The following NFATC2 variants were observed in gnomAD, a reference collection of about 807,000 sequenced individuals.
NFATC2 encodes nuclear factor of activated T-cells, cytoplasmic 2.
NFATC2 carries 22 observed loss-of-function variants against 87.3 expected under a neutral mutation model. That is an observed-to-expected ratio of 0.25 (90% CI 0.18 to 0.36). The LOEUF (loss-of-function observed/expected upper bound fraction) is 0.36. Among genes scored for constraint, NFATC2 ranks in the 10% least tolerant of loss-of-function variants. NFATC2 has a pLI of 1.00. For missense variants in NFATC2, 1,149 were observed against 1,259.1 expected, an observed-to-expected ratio of 0.91 and a Z score of 1.32; for synonymous variants, 565 against 542.2, an observed-to-expected ratio of 1.04 and a Z score of -0.58.
intron 5 of NFATC2, among the ~76,000 whole-genome samples, chr20:51,462,648 T>C (rs567279248): frequency 6.6e-6 from 1 of 152,142 alleles, no homozygotes; most frequent in Non-Finnish European, 1.5e-5. Flanking sequence ...ATCTATAAAA[T>C]GGGAATATCA....
rs911025877 is a variant in NFATC2, at chr20:51,480,024, G to A, written c.1333-4364C>T. On this transcript the variant is annotated intron_variant, in intron 3 of 10. Transcript: ENST00000371564. This position sits in a 1 kb window ranked among gnomAD's most constrained non-coding sequence, Gnocchi z 4.2. ...TTCCTGGGGCCAGGCGCGGTGGCTC[G>A]TGCCTGTAATCCCAGCACTTTGGGA... Among the ~76,000 whole-genome samples the A allele has an allele frequency of 6.6e-6, 1 of 151,958 alleles. No homozygotes were observed. The highest frequency in any genetic ancestry group is 1.5e-5 in the Non-Finnish European group (1 of 67,990).
At chr20:51,456,637 C>G (rs1238403537) in intron 5 of NFATC2, among the ~76,000 whole-genome samples, 1 of 152,204 alleles carries the variant, frequency 6.6e-6, no homozygotes, top group East Asian at 1.9e-4. Context: ...AGGCCCGCCC[C>G]CTGGGGTGAG....
At chr20:51,559,055 G>A (rs1019722143) in intron 1 of NFATC2, among the ~76,000 whole-genome samples, 1 of 152,232 alleles carries the variant, frequency 6.6e-6, no homozygotes, top group Non-Finnish European at 1.5e-5. Context: ...AGTCTGAGAA[G>A]AGAGGCTTGC....
Position 51,500,795 on chromosome 20 carries a change from C to T in NFATC2, c.1332+15989G>A, listed in dbSNP as rs187861620. 4.9e-3 allele frequency among the ~76,000 whole-genome samples: 24 copies of T among 4,880 alleles called. 1 individual carries two copies. The highest frequency in any genetic ancestry group is 6.7e-3 in the Admixed American group (3 of 446). The allele number at this position is 4,880 out of a possible 152,430, so 3.2% of individuals were successfully genotyped here. A position where few individuals can be genotyped will look rare whatever the true frequency, so the allele number is the denominator to read the frequency against. Reference sequence around the variant, plus strand: ...CCACCTCCACCTTCACACTCACCACCCCGCACCTCTACCCCCACACTCACC... The same window carrying T: ...CCACCTCCACCTTCACACTCACCACTCCGCACCTCTACCCCCACACTCACC... On this transcript the variant is annotated intron_variant, in intron 3 of 10. Transcript: ENST00000371564.
At chr20:51,499,381 A>AAGGCCAAC in intron 3 of NFATC2, among the ~76,000 whole-genome samples, 1 of 152,226 alleles carries the variant, frequency 6.6e-6, no homozygotes, top group East Asian at 1.9e-4. Flanking sequence ...AACTGTGAGG[A>AAGGCCAAC]AGGCCAACAG....
chr20:51,473,440 A>C (rs943749942), intron 5 of NFATC2, among the ~76,000 whole-genome samples: 1 of 152,138 alleles, frequency 6.6e-6, no homozygotes, highest in Admixed American at 6.5e-5. Context: ...TTGTGTGCAC[A>C]GTTTACCCCC....
chr20:51,400,410 G>T (rs578015413), intron 9 of NFATC2, among the ~76,000 whole-genome samples: 1 of 146,260 alleles, frequency 6.8e-6, no homozygotes, highest in African/African-American at 2.5e-5. Flanking sequence ...CCCAGAACAC[G>T]AGTTCTCTCT....
In NFATC2 at chr20:51,523,681, G is replaced by T; in HGVS notation, c.560C>A (p.Thr187Asn). 3 of 1,613,690 alleles carry T rather than the reference G, an allele frequency of 1.9e-6. No individual in the cohort carries two copies. Among genetic ancestry groups the T allele is most frequent in the Non-Finnish European group, 2.5e-6 (3 of 1,179,754 alleles). ...GTTATTGGGCGAGACGCAGGGCGAG[G>T]TGTAGGGGGAGAAGGTGTCAGAAAT... ...SFISDTFSPYTSPCVSPNNGG... is the reference protein window; with the variant it reads ...SFISDTFSPYNSPCVSPNNGG... Residue 187 changes from threonine (T) to asparagine (N), a missense_variant, in exon 2 of 11, where the codon ACC becomes AAC. By Grantham distance (65) the Thr-to-Asn change is moderately conservative. This residue lies in a region of NFATC2 where 563 missense variants were observed against 585.2 expected (regional missense o/e 0.96). Coordinates refer to ENST00000371564, the MANE Select transcript of NFATC2 (RefSeq NM_012340.5). This position sits in a 1 kb window ranked among gnomAD's most constrained non-coding sequence, Gnocchi z 6.9.
chr20:51,466,504 GA>G (rs11480465), intron 5 of NFATC2, among the ~76,000 whole-genome samples: 2 of 150,400 alleles, frequency 1.3e-5, no homozygotes, highest in African/African-American at 4.9e-5. Flanking sequence ...TTGCTTTCAG[GA>G]AAAAAAAAGG....
At chr20:51,411,590 C>T (rs1480856897) in intron 9 of NFATC2, among the ~76,000 whole-genome samples, 1 of 139,932 alleles carries the variant, frequency 7.1e-6, no homozygotes, top group East Asian at 2.3e-4. Flanking sequence ...TGCAGTAGCA[C>T]AGTCTCAGCT....
chr20:51,526,622 C>T (rs1346970836), intron 1 of NFATC2, among the ~76,000 whole-genome samples: 1 of 152,168 alleles, frequency 6.6e-6, no homozygotes, highest in Non-Finnish European at 1.5e-5. Flanking sequence ...GAAACAAGCC[C>T]TCTTCCTGCT....
At chr20:51,509,018 C>A (rs143639577) in intron 3 of NFATC2, among the ~76,000 whole-genome samples, 2 of 152,048 alleles carry the variant, frequency 1.3e-5, no homozygotes, top group African/African-American at 4.8e-5. Flanking sequence ...GCCCACGATC[C>A]GCCCCCCTAT....
intron 5 of NFATC2, among the ~76,000 whole-genome samples, chr20:51,469,161 T>C (rs1025415416): frequency 1.3e-5 from 2 of 152,092 alleles, no homozygotes; most frequent in African/African-American, 4.8e-5. Flanking sequence ...TAGCTGAGAC[T>C]ACAGGCATGC....
intron 1 of NFATC2, among the ~76,000 whole-genome samples, chr20:51,525,556 G>T (rs1387341449): frequency 7.3e-6 from 1 of 137,776 alleles, no homozygotes; most frequent in African/African-American, 2.8e-5. Flanking sequence ...CACCTCCAAG[G>T]CCCCCCACCT....
chr20:51,458,642 C>CAAA lies in NFATC2; in HGVS notation c.1709-3957_1709-3955dup, dbSNP rs546708576. 0.01 allele frequency among the ~76,000 whole-genome samples: 1,295 copies of CAAA among 127,684 alleles called. 43 individuals are homozygous for CAAA. The East Asian group carries it at 0.13, about 13-fold the overall frequency. 83.8% of individuals were successfully genotyped at this position (127,684 alleles called of 152,430 possible). A position where few individuals can be genotyped will look rare whatever the true frequency, so the allele number is the denominator to read the frequency against. ...TGAAACCCCGTCTCTACTAAAACTC[C>CAAA]AAAAAAAAAAAAAAAGAAATTATCT... On this transcript the variant is annotated intron_variant, in intron 5 of 10. Transcript: ENST00000371564.
In NFATC2 at chr20:51,542,595, C is replaced by T; in HGVS notation, c.-96G>A. 1 of 1,238,590 alleles carries T rather than the reference C, an allele frequency of 8.1e-7. No homozygotes were observed. Among genetic ancestry groups the T allele is most frequent in the Non-Finnish European group, 1.0e-6 (1 of 986,740 alleles). 76.7% of individuals were successfully genotyped at this position (1,238,590 alleles called of 1,614,324 possible). ...GTGGGGCTGGCGGAGGCGGCTCGAGCGGCGGGGTCCCTTTCCTCGTAGGGA... is the reference window on the plus strand; with the variant it reads ...GTGGGGCTGGCGGAGGCGGCTCGAGTGGCGGGGTCCCTTTCCTCGTAGGGA... On this transcript the variant is annotated 5_prime_UTR_variant, in exon 1 of 11. Coordinates refer to ENST00000371564, the MANE Select transcript of NFATC2 (RefSeq NM_012340.5).
At chr20:51,478,967 T>G (rs773966664) in intron 3 of NFATC2, among the ~76,000 whole-genome samples, 4 of 152,218 alleles carry the variant, frequency 2.6e-5, no homozygotes, top group Non-Finnish European at 5.9e-5. Context: ...CATTCAGTGC[T>G]AAAGCCAGCT....
At chr20:51,544,353 G>A (rs572874183), upstream of NFATC2, among the ~76,000 whole-genome samples, 7 of 152,172 alleles carry the variant, frequency 4.6e-5, no homozygotes, top group African/African-American at 7.2e-5. Context: ...AAGATTAGAC[G>A]GGAGAGGTCT....
At chr20:51,449,112 C>T (rs1985455207) in intron 6 of NFATC2, among the ~76,000 whole-genome samples, 1 of 152,184 alleles carries the variant, frequency 6.6e-6, no homozygotes, top group South Asian at 2.1e-4. Context: ...GCCCAGGAGG[C>T]TGTCACCTTT....
Sources: allele counts gnomAD v4.1 joint callset (sites outside exome capture counted in the v4.1 genomes callset), GRCh38; gene constraint gnomAD v4.1.1; regional missense constraint gnomAD v4.1.1; non-coding constraint Gnocchi (gnomAD v3.1); transcripts MANE v1.5; gene names NCBI Gene and HGNC (gene_info 2026-07-23, HGNC 2026-07-21).